The following NOL10 variants were observed in gnomAD, a reference collection of about 807,000 sequenced individuals.
NOL10 encodes the protein nucleolar protein 10.
In NOL10, 58 loss-of-function variants were observed where a neutral mutation model predicts 103.5. That is an observed-to-expected ratio of 0.56 (90% confidence interval 0.45 to 0.70). The LOEUF is 0.70. NOL10 is among the 30% of genes least tolerant of loss of function. NOL10 has a pLI of 0.00. For missense variants in NOL10, 763 were observed against 807.3 expected (o/e 0.95, Z 0.67); for synonymous variants, 287 against 282.5 (o/e 1.02, Z -0.16).
chr2:10,573,055 G>A (rs905157256), intron 20 of NOL10, among the ~76,000 whole-genome samples: 2 of 140,468 alleles, frequency 1.4e-5, no homozygotes, highest in Non-Finnish European at 3.0e-5. Flanking sequence ...ACTCCTGAAG[G>A]TAAAGCTCAA....
In NOL10 at chr2:10,618,301, A is replaced by G. The variant is rs184018473; in HGVS notation, c.1027-10990T>C. Among the ~76,000 whole-genome samples, 715 of 152,024 alleles carry G rather than the reference A, an allele frequency of 4.7e-3. 8 individuals are homozygous for G. The highest frequency in any genetic ancestry group is 0.014 in the South Asian group (66 of 4,816). Reference sequence around the variant, plus strand: ...TCTCCTTAGTTTCCTTTAATGTAGGAGCCCCCACCTTCACTGACTTTCAGG... The same window carrying G: ...TCTCCTTAGTTTCCTTTAATGTAGGGGCCCCCACCTTCACTGACTTTCAGG... On this transcript the variant is annotated intron_variant, in intron 13 of 20. Coordinates refer to ENST00000381685, the MANE Select transcript of NOL10 (RefSeq NM_024894.4).
chr2:10,616,217 ATTT>A (rs533351651), intron 13 of NOL10, among the ~76,000 whole-genome samples: 28 of 95,614 alleles, frequency 2.9e-4, no homozygotes, highest in African/African-American at 1.2e-3. Context: ...ACCACCCTGC[ATTT>A]TTTTTTTTTT....
intron 17 of NOL10, among the ~76,000 whole-genome samples, chr2:10,596,465 C>T (rs59114654): frequency 0.014 from 2,183 of 152,226 alleles, 65 homozygotes; most frequent in African/African-American, 0.05. Flanking sequence ...GACAGATCAT[C>T]AGGCATTAGA....
At chr2:10,621,294 T>C (rs1190869794) in intron 13 of NOL10, among the ~76,000 whole-genome samples, 1 of 152,176 alleles carries the variant, frequency 6.6e-6, no homozygotes, top group African/African-American at 2.4e-5. Flanking sequence ...ACTGCTATAA[T>C]TCAATCAAAA....
intron 12 of NOL10, among the ~76,000 whole-genome samples, 163 bp from the exon 13 acceptor site, chr2:10,644,535 C>T (rs1165574551): frequency 6.6e-6 from 1 of 152,122 alleles, no homozygotes; most frequent in Non-Finnish European, 1.5e-5. Context: ...TTTTACAAAA[C>T]AAATTCGAAT....
At chr2:10,609,317 G>C (rs1424373708) in intron 13 of NOL10, among the ~76,000 whole-genome samples, 1 of 151,692 alleles carries the variant, frequency 6.6e-6, no homozygotes, top group Non-Finnish European at 1.5e-5. Flanking sequence ...GCCGGGCGCG[G>C]TGGCTCACGC....
At chr2:10,590,636 G>T (rs1389066797) in intron 17 of NOL10, among the ~76,000 whole-genome samples, 1 of 152,158 alleles carries the variant, frequency 6.6e-6, no homozygotes, top group Non-Finnish European at 1.5e-5. Flanking sequence ...TCAACTAATT[G>T]TTGTCAAAGG....
chr2:10,618,245 T>TAAAA (rs34176271), intron 13 of NOL10, among the ~76,000 whole-genome samples: 36,503 of 150,764 alleles, frequency 0.24, 6,004 homozygotes, highest in East Asian at 0.44. Context: ...GCTGTTTTTT[T>TAAAA]AAAAAAAAAT....
At chr2:10,588,815 T>A (rs1158224232) in intron 19 of NOL10, among the ~76,000 whole-genome samples, 1 of 152,096 alleles carries the variant, frequency 6.6e-6, no homozygotes, top group Non-Finnish European at 1.5e-5. Flanking sequence ...AATAAGTAAA[T>A]CCCCTAGAGA....
chr2:10,605,466 G>A (rs1676203295), intron 14 of NOL10, among the ~76,000 whole-genome samples: 1 of 152,156 alleles, frequency 6.6e-6, no homozygotes, highest in Non-Finnish European at 1.5e-5. Flanking sequence ...GACATCAAAA[G>A]ATATTAGTAA....
rs374913629 is a variant in NOL10 at position 10,582,671 on chromosome 2, G to A, written c.1845-4933C>T. Reference sequence around the variant, plus strand: ...CTGGACTTCTTTCCTCCATGTCTCTGAGGATGCATACCTTGTCTTTTCTGA... The same window carrying A: ...CTGGACTTCTTTCCTCCATGTCTCTAAGGATGCATACCTTGTCTTTTCTGA... On this transcript the variant is annotated intron_variant, in intron 19 of 20. Transcript: ENST00000381685. Among the ~76,000 whole-genome samples, 180 of 152,260 alleles carry A rather than the reference G, an allele frequency of 1.2e-3. 1 individual carries two copies. The South Asian group carries it at 0.036, about 30-fold the overall frequency.
chr2:10,631,902 C>T (rs1048762334), intron 13 of NOL10, among the ~76,000 whole-genome samples: 13 of 152,016 alleles, frequency 8.6e-5, no homozygotes, highest in Admixed American at 7.9e-4. Flanking sequence ...TTAGTAGAGA[C>T]GGGGTTTCTC....
chr2:10,577,666 G>A lies in NOL10; in HGVS notation c.1917C>T (p.Gly639=), dbSNP rs1287583318. Reference sequence around the variant, plus strand: ...TTAACGTGAATGTCAATTGTTTGCTGCCAACGGTGGTGTCGGATACACTCA... The same window carrying A: ...TTAACGTGAATGTCAATTGTTTGCTACCAACGGTGGTGTCGGATACACTCA... ...GTLSVSDTTV[G]SKQLTFTLKR... The change falls in exon 20 of 21, where the codon GGC becomes GGT. Residue 639 remains glycine, a synonymous_variant. Transcript: ENST00000381685. The A allele has an allele frequency of 6.2e-7, 1 of 1,612,106 alleles. No individual in the cohort carries two copies. Among genetic ancestry groups the A allele is most frequent in the Non-Finnish European group, 8.5e-7 (1 of 1,178,946 alleles).
intron 12 of NOL10, among the ~76,000 whole-genome samples, chr2:10,648,083 A>G (rs796366441): frequency 1.1e-4 from 17 of 152,206 alleles, no homozygotes; most frequent in African/African-American, 4.1e-4. Flanking sequence ...AAGTGCCCTG[A>G]CCGGCATGGA....
intron 5 of NOL10, 138 bp from the exon 6 acceptor site, chr2:10,671,828 C>A (rs766660482): frequency 5.2e-5 from 31 of 599,002 alleles, no homozygotes; most frequent in Admixed American, 3.1e-4. Flanking sequence ...TGTCCATGCA[C>A]ACACACTCCA....
rs190133262 is a variant in NOL10, at chr2:10,602,627, G to A, written c.1332+149C>T. 436 of 601,312 alleles carry A rather than the reference G, an allele frequency of 7.3e-4. 2 individuals are homozygous for A. In the African/African-American group the frequency reaches 7.5e-3, roughly 10 times the overall value. The allele number at this position is 601,312 out of a possible 1,614,324, so 37.2% of individuals were successfully genotyped here. On this transcript the variant is annotated intron_variant, in intron 16 of 20. Coordinates refer to ENST00000381685, the MANE Select transcript of NOL10 (RefSeq NM_024894.4). ...CTCATGACAAACATGACACACTGAT[G>A]ACAAACAAACTATACCAAAAATATC... is the stretch of plus-strand genomic sequence containing the variant.
At chr2:10,674,831 C>T (rs1026628253) in intron 4 of NOL10, among the ~76,000 whole-genome samples, 7 of 144,142 alleles carry the variant, frequency 4.9e-5, no homozygotes, top group Non-Finnish European at 9.3e-5. Context: ...AGCAAGACTC[C>T]GTCTCCAAAA....
chr2:10,662,984 A>T lies in NOL10; in HGVS notation c.652T>A (p.Leu218Ile), dbSNP rs1205524948. Residue 218 changes from leucine to isoleucine, a missense_variant, in exon 9 of 21, where the codon TTA becomes ATA. Leu to Ile is a conservative substitution (Grantham distance 5). Coordinates refer to ENST00000381685, the MANE Select transcript of NOL10 (RefSeq NM_024894.4). Reference sequence around the variant, plus strand: ...TCTGAATCTGCTGTGACACTGTTTAAGGCGCAGTCTAACAGGCCAACTCTG... The same window carrying T: ...TCTGAATCTGCTGTGACACTGTTTATGGCGCAGTCTAACAGGCCAACTCTG... Reference protein sequence around the residue: ...RNRVGLLDCALNSVTADSEIN... With the variant: ...RNRVGLLDCAINSVTADSEIN... 6.2e-7 allele frequency: 1 copy of T among 1,613,670 alleles called. No homozygotes were observed. The highest frequency in any genetic ancestry group is 8.5e-7 in the Non-Finnish European group (1 of 1,179,682).
At chr2:10,583,688 TTTTC>T (rs1674877892) in intron 19 of NOL10, among the ~76,000 whole-genome samples, 1 of 152,244 alleles carries the variant, frequency 6.6e-6, no homozygotes, top group Admixed American at 6.5e-5. Flanking sequence ...TTGTGCTCCT[TTTTC>T]TTTCTCACTC....
Sources: gnomAD v4.1 joint callset for allele counts (sites outside exome capture counted in the v4.1 genomes callset) on GRCh38, gnomAD v4.1.1 for gene constraint, MANE v1.5 for transcripts, NCBI Gene and HGNC (gene_info 2026-07-23, HGNC 2026-07-21) for gene names.